The following CFAP61 variants were observed in gnomAD, a reference collection of about 807,000 sequenced individuals.
CFAP61 encodes the protein cilia and flagella associated protein 61.
A neutral mutation model predicts 135.6 loss-of-function variants in CFAP61; 107 were observed. The ratio of observed to expected loss-of-function variants is 0.79; its 90% CI spans 0.67 to 0.93. The LOEUF (loss-of-function observed/expected upper bound fraction) is 0.93, where lower values mean the gene tolerates loss of function less well. Among genes scored for constraint, CFAP61 ranks in the 40% least tolerant of loss-of-function variants. The pLI, the probability that CFAP61 is intolerant of heterozygous loss-of-function variation, is 0.00. For synonymous variants in CFAP61, 575 were observed against 578.5 expected (o/e 0.99, Z 0.09); for missense variants, 1,507 against 1,556.2 (o/e 0.97, Z 0.53).
intron 19 of CFAP61, among the ~76,000 whole-genome samples, chr20:20,247,926 T>C (rs1179883968): frequency 6.6e-6 from 1 of 152,234 alleles, no homozygotes; most frequent in Non-Finnish European, 1.5e-5. Context: ...GCTCTGTTTT[T>C]TTCTTGCTAC....
chr20:20,142,967 C>T lies in CFAP61; in HGVS notation c.951+19C>T, dbSNP rs200947431. 45 of 1,493,366 alleles carry T rather than the reference C, an allele frequency of 3.0e-5. No homozygotes were observed. In the African/African-American group the frequency reaches 5.5e-4, roughly 18 times the overall value. 92.5% of individuals were successfully genotyped at this position (1,493,366 alleles called of 1,614,324 possible). The stretch of plus-strand genomic sequence containing the variant: ...CATCCAGGTGAGAGAGACTATCCCT[C>T]CATGCCTAGGGTGGGGGGATGGGCC... On this transcript the variant is annotated intron_variant, in intron 9 of 26. Transcript: ENST00000245957.
At chr20:20,064,148 T>C (rs1448970946) in intron 2 of CFAP61, among the ~76,000 whole-genome samples, 2 of 151,966 alleles carry the variant, frequency 1.3e-5, no homozygotes, top group African/African-American at 4.8e-5. Flanking sequence ...TTTTTGTTCA[T>C]GCCTTCCACC....
intron 12 of CFAP61, among the ~76,000 whole-genome samples, chr20:20,167,911 TG>T (rs1403198056): frequency 6.6e-6 from 1 of 152,142 alleles, no homozygotes; most frequent in Non-Finnish European, 1.5e-5. Flanking sequence ...TGCAGGGACC[TG>T]GCAGAGGATC....
intron 22 of CFAP61, among the ~76,000 whole-genome samples, chr20:20,281,610 A>T (rs2147050753): frequency 1.3e-5 from 2 of 152,322 alleles, no homozygotes; most frequent in African/African-American, 4.8e-5. Context: ...CTAATTGGTC[A>T]TAATGCGTTA....
chr20:20,139,921 A>AT (rs1229003156), intron 8 of CFAP61, among the ~76,000 whole-genome samples: 1 of 152,204 alleles, frequency 6.6e-6, no homozygotes, highest in East Asian at 1.9e-4. Context: ...TTTTAGTTGC[A>AT]TTTTTTGTAG....
At chr20:20,314,385 C>T (rs2056992063) in intron 25 of CFAP61, among the ~76,000 whole-genome samples, 1 of 137,846 alleles carries the variant, frequency 7.3e-6, no homozygotes, top group African/African-American at 2.9e-5. Flanking sequence ...GAGTGAGACC[C>T]CATCTCAAAA....
chr20:20,351,316 C>T (rs1323013329), intron 26 of CFAP61, among the ~76,000 whole-genome samples: 1 of 152,212 alleles, frequency 6.6e-6, no homozygotes, highest in Non-Finnish European at 1.5e-5. Flanking sequence ...CATGGTGGCT[C>T]ACACCTGTAA....
At chr20:20,262,804 G>GT (rs397865640) in intron 20 of CFAP61, 152 bp from the exon 21 acceptor site, 24,509 of 141,918 alleles carry the variant, frequency 0.17, 316 homozygotes, top group Non-Finnish European at 0.19. Flanking sequence ...CTGTTTTTGT[G>GT]TTTTTTTTTT....
chr20:20,141,900 G>A (rs2051429653), intron 8 of CFAP61, among the ~76,000 whole-genome samples: 1 of 152,150 alleles, frequency 6.6e-6, no homozygotes, highest in Admixed American at 6.5e-5. Flanking sequence ...AGCAGGCCCA[G>A]GGTCCCTCCT....
intron 18 of CFAP61, among the ~76,000 whole-genome samples, chr20:20,244,475 T>C (rs547933084): frequency 4.6e-5 from 7 of 152,334 alleles, no homozygotes; most frequent in South Asian, 4.1e-4. Flanking sequence ...ACTGAAGCCA[T>C]AGCCTGAGCT....
chr20:20,273,081 G>A (rs1157871520), intron 21 of CFAP61, among the ~76,000 whole-genome samples: 1 of 130,876 alleles, frequency 7.6e-6, no homozygotes, highest in African/African-American at 2.9e-5. Context: ...GGGCTATGAT[G>A]TGTTTCCCAG....
chr20:20,187,868 C>T (rs2055624343), intron 13 of CFAP61, 62 bp from the exon 14 acceptor site: 2 of 1,308,542 alleles, frequency 1.5e-6, no homozygotes, highest in Admixed American at 1.8e-5. Flanking sequence ...AATTCTGTCT[C>T]CATTTGGGGG....
At chr20:20,165,843 TTC>T (rs1397451940) in intron 11 of CFAP61, among the ~76,000 whole-genome samples, 1 of 152,172 alleles carries the variant, frequency 6.6e-6, no homozygotes, top group Non-Finnish European at 1.5e-5. Flanking sequence ...TGAAAAGAAA[TTC>T]TTTTTATTCT....
chr20:20,326,799 A>G (rs1272101959), intron 25 of CFAP61, among the ~76,000 whole-genome samples: 2 of 152,146 alleles, frequency 1.3e-5, no homozygotes, highest in Non-Finnish European at 2.9e-5. Context: ...CTTCTTAGCT[A>G]TTCTTTCCGA....
intron 6 of CFAP61, among the ~76,000 whole-genome samples, chr20:20,084,369 A>C (rs2046644489): frequency 6.6e-6 from 1 of 151,924 alleles, no homozygotes; most frequent in Non-Finnish European, 1.5e-5. Context: ...AGGAATGAGG[A>C]GGCTGTGCCA....
intron 25 of CFAP61, among the ~76,000 whole-genome samples, chr20:20,321,594 G>A (rs945183960): frequency 6.6e-6 from 1 of 152,284 alleles, no homozygotes; most frequent in South Asian, 2.1e-4. Flanking sequence ...GACAGACAAG[G>A]TAGGGAGAGA....
chr20:20,239,918 G>T (rs1254269146), intron 18 of CFAP61, among the ~76,000 whole-genome samples: 1 of 152,070 alleles, frequency 6.6e-6, no homozygotes, highest in Non-Finnish European at 1.5e-5. Context: ...TGTGTTATAG[G>T]AGGGGAGGGT....
chr20:20,172,747 T>C (rs1263281445), intron 13 of CFAP61, among the ~76,000 whole-genome samples: 1 of 152,310 alleles, frequency 6.6e-6, no homozygotes, highest in Non-Finnish European at 1.5e-5. Flanking sequence ...CAGCACTAGA[T>C]TGGAACATTT....
intron 25 of CFAP61, among the ~76,000 whole-genome samples, chr20:20,341,517 A>G (rs1198972017): frequency 2.0e-5 from 3 of 152,320 alleles, no homozygotes; most frequent in Non-Finnish European, 4.4e-5. Context: ...TTTTTCTCAA[A>G]CGAGGGCAGA....
Sources: allele counts gnomAD v4.1 joint callset (sites outside exome capture counted in the v4.1 genomes callset), GRCh38; gene constraint gnomAD v4.1.1; transcripts MANE v1.5; gene names NCBI Gene and HGNC (gene_info 2026-07-23, HGNC 2026-07-21).